HYDIN: variants seen among roughly 807,000 people sequenced by gnomAD.
HYDIN encodes axonemal central pair apparatus protein HYDIN.
Under a neutral mutation model 403.9 loss-of-function variants are expected in HYDIN, and 132 were observed. The ratio of observed to expected loss-of-function variants is 0.33; its 90% CI spans 0.28 to 0.38. The LOEUF is 0.38. Among genes scored for constraint, HYDIN ranks in the 10% least tolerant of loss-of-function variants. The pLI is 1.00. For missense variants in HYDIN, 2,827 were observed against 5,009.5 expected (o/e 0.56, Z 13.15); for synonymous variants, 1,202 against 1,891.7 (o/e 0.64, Z 9.46).
chr16:70,834,930 GTATATATACACACATATATGTA>G (rs1346959109), intron 78 of HYDIN, among the ~76,000 whole-genome samples: 8 of 137,272 alleles, frequency 5.8e-5, no homozygotes, highest in African/African-American at 1.2e-4. Flanking sequence ...ACACATATAT[GTATATATACACACATATATGTA>G]TATATATACA....
chr16:71,037,068 G>C (rs1372174584), intron 18 of HYDIN, among the ~76,000 whole-genome samples: 1 of 151,236 alleles, frequency 6.6e-6, no homozygotes, highest in Non-Finnish European at 1.5e-5. Flanking sequence ...TTGAGTCCCT[G>C]CTCTGCTGCT....
chr16:71,186,456 A>G (rs2087155755), intron 2 of HYDIN, among the ~76,000 whole-genome samples: 1 of 152,176 alleles, frequency 6.6e-6, no homozygotes, highest in Non-Finnish European at 1.5e-5. Flanking sequence ...TTTTTGAACT[A>G]AACAAATGAC....
At chr16:71,068,069 C>T (rs1423085078) in intron 14 of HYDIN, among the ~76,000 whole-genome samples, 1 of 148,900 alleles carries the variant, frequency 6.7e-6, no homozygotes, top group South Asian at 2.2e-4. Flanking sequence ...TTAGCAGTTG[C>T]TAGGAGAGAT....
intron 23 of HYDIN, among the ~76,000 whole-genome samples, chr16:71,007,867 T>C (rs1288266318): frequency 2.0e-5 from 3 of 151,868 alleles, no homozygotes; most frequent in Non-Finnish European, 4.4e-5. Context: ...TATATGTTCA[T>C]TGCAGTGCTA....
intron 6 of HYDIN, among the ~76,000 whole-genome samples, chr16:71,156,803 A>C (rs2085787591): frequency 6.6e-6 from 1 of 151,958 alleles, no homozygotes; most frequent in Admixed American, 6.6e-5. Flanking sequence ...TTGCTTCTTA[A>C]TACTCTCTAT....
chr16:71,090,590 CCT>C (rs1312448766), intron 11 of HYDIN: 1 of 152,232 alleles, frequency 6.6e-6, no homozygotes, highest in Non-Finnish European at 1.5e-5. Flanking sequence ...CCCTTGAACT[CCT>C]AGGCTCAAGT....
chr16:71,011,650 A>G (rs181222239), intron 23 of HYDIN, among the ~76,000 whole-genome samples: 1 of 152,262 alleles, frequency 6.6e-6, no homozygotes, highest in Admixed American at 6.5e-5. Flanking sequence ...GCTTGTGCCC[A>G]GGAGTTTAAG....
intron 16 of HYDIN, among the ~76,000 whole-genome samples, chr16:71,063,405 G>T (rs1049635206): frequency 6.6e-6 from 1 of 152,246 alleles, no homozygotes; most frequent in Non-Finnish European, 1.5e-5. Flanking sequence ...AATTAATTTT[G>T]ATTTCTTACA....
intron 18 of HYDIN, among the ~76,000 whole-genome samples, chr16:71,059,300 T>C (rs910244046): frequency 1.3e-5 from 2 of 152,078 alleles, no homozygotes; most frequent in African/African-American, 4.8e-5. Flanking sequence ...AAGTCTTTCA[T>C]CCATCTTATT....
Position 70,802,994 on chromosome 16 carries a change from C to A in HYDIN, c.*4586G>T, listed in dbSNP as rs370321390. ...TGAAAAACACTGAAAAAATGTAAAT[C>A]AATGGGAATGATTTGGTTCTATTTC... On this transcript the variant is annotated 3_prime_UTR_variant, in exon 86 of 86. Coordinates refer to ENST00000393567, the MANE Select transcript of HYDIN (RefSeq NM_001270974.2). Among the ~76,000 whole-genome samples the A allele has an allele frequency of 2.6e-5, 4 of 152,266 alleles. No homozygotes were observed. Among genetic ancestry groups the A allele is most frequent in the African/African-American group, 7.2e-5 (3 of 41,554 alleles).
At chr16:71,169,315 C>T (rs2086368338) in intron 5 of HYDIN, among the ~76,000 whole-genome samples, 1 of 152,016 alleles carries the variant, frequency 6.6e-6, no homozygotes, top group South Asian at 2.1e-4. Context: ...TGCCTATAAT[C>T]CCAGCTACTA....
chr16:70,955,517 C>T lies in HYDIN; in HGVS notation c.6174G>A (p.Lys2058=), dbSNP rs764690285. Residue 2058 remains lysine, a synonymous_variant, in exon 40 of 86, where the codon AAG becomes AAA. Coordinates refer to ENST00000393567, the MANE Select transcript of HYDIN (RefSeq NM_001270974.2). ...TGCTCAGGCAGGCTGCGTTGTAGTA[C>T]TTGGCCACGCTAACGGCATTGGCTG... ...GKSANAVSVA[K]YYNAACLSID... The T allele has an allele frequency of 3.2e-6, 5 of 1,546,296 alleles. No homozygotes were observed. The highest frequency in any genetic ancestry group is 3.6e-5 in the Admixed American group (2 of 55,376).
chr16:70,892,936 G>T (rs1377737594), intron 55 of HYDIN, among the ~76,000 whole-genome samples: 1 of 152,188 alleles, frequency 6.6e-6, no homozygotes, highest in Non-Finnish European at 1.5e-5. Flanking sequence ...GAGGGGGCAG[G>T]GGTCCTGTAA....
intron 1 of HYDIN, among the ~76,000 whole-genome samples, chr16:71,205,095 G>GT (rs2088224448): frequency 6.6e-6 from 1 of 152,196 alleles, no homozygotes; most frequent in Non-Finnish European, 1.5e-5. Flanking sequence ...CTGGGCCTTG[G>GT]TTTTGGTGGC....
intron 11 of HYDIN, chr16:71,090,502 G>GT (rs1481158595): frequency 2.6e-5 from 4 of 152,190 alleles, no homozygotes; most frequent in East Asian, 1.9e-4. Context: ...TTGTTTGTTT[G>GT]TTTTTTGTTT....
At chr16:70,946,161 T>C (rs894956550) in intron 41 of HYDIN, among the ~76,000 whole-genome samples, 4 of 142,884 alleles carry the variant, frequency 2.8e-5, no homozygotes, top group African/African-American at 1.0e-4. Flanking sequence ...GGATCAGCCC[T>C]GGGTGAAGGC....
At chr16:71,058,973 T>C (rs1304749878) in intron 18 of HYDIN, among the ~76,000 whole-genome samples, 1 of 152,244 alleles carries the variant, frequency 6.6e-6, no homozygotes, top group Non-Finnish European at 1.5e-5. Context: ...ATAACATTTC[T>C]TTTCTCTAGC....
At chr16:71,042,763 C>T (rs2144201966) in intron 18 of HYDIN, among the ~76,000 whole-genome samples, 1 of 152,326 alleles carries the variant, frequency 6.6e-6, no homozygotes, top group East Asian at 1.9e-4. Flanking sequence ...GCATCTTCTA[C>T]ACAGGTTCCA....
chr16:70,826,788 T>A (rs891933051), intron 83 of HYDIN, among the ~76,000 whole-genome samples: 16 of 144,470 alleles, frequency 1.1e-4, no homozygotes, highest in African/African-American at 4.5e-4. Flanking sequence ...CTTTTTCTTT[T>A]TACTTTAAAA....
Sources: gnomAD v4.1 joint callset for allele counts (sites outside exome capture counted in the v4.1 genomes callset) on GRCh38, gnomAD v4.1.1 for gene constraint, MANE v1.5 for transcripts, NCBI Gene and HGNC (gene_info 2026-07-23, HGNC 2026-07-21) for gene names.